PLEKHH2: variants seen among roughly 807,000 people sequenced by gnomAD.
The protein encoded by PLEKHH2 is pleckstrin homology, MyTH4 and FERM domain containing H2.
PLEKHH2 carries 129 observed loss-of-function variants against 187.9 expected under a neutral mutation model. The ratio of observed to expected loss-of-function variants is 0.69; its 90% CI spans 0.59 to 0.79. The LOEUF is 0.79. Among genes scored for constraint, PLEKHH2 ranks in the 30% least tolerant of loss-of-function variants. The pLI is 0.00. For missense variants in PLEKHH2, 2,076 were observed against 1,751.2 expected, an observed-to-expected ratio of 1.19 and a Z score of -3.31; for synonymous variants, 686 against 605.6, an observed-to-expected ratio of 1.13 and a Z score of -1.95.
intron 20 of PLEKHH2, among the ~76,000 whole-genome samples, chr2:43,739,265 A>G (rs952820018): frequency 6.6e-6 from 1 of 152,094 alleles, no homozygotes; most frequent in African/African-American, 2.4e-5. Flanking sequence ...ATCTTCAACA[A>G]CATTCAGTAT....
intron 2 of PLEKHH2, among the ~76,000 whole-genome samples, chr2:43,656,198 C>G (rs1441626348): frequency 6.6e-6 from 1 of 152,186 alleles, no homozygotes; most frequent in East Asian, 1.9e-4. Flanking sequence ...CTCAAGTGAT[C>G]TGCCCGCCTC....
intron 9 of PLEKHH2, 25 bp downstream of exon 9, chr2:43,704,081 C>T (rs548376249): frequency 2.3e-5 from 35 of 1,490,302 alleles, no homozygotes; most frequent in Admixed American, 6.8e-5. Context: ...ATGCTGCCAC[C>T]TGGATGAACC....
intron 1 of PLEKHH2, among the ~76,000 whole-genome samples, chr2:43,639,725 C>T (rs1454446308): frequency 7.1e-6 from 1 of 141,236 alleles, no homozygotes; most frequent in South Asian, 2.2e-4. Flanking sequence ...GGCAGGATCT[C>T]AGCTCACTGC....
At chr2:43,675,816 G>A (rs763588472) in intron 2 of PLEKHH2, 73 of 1,613,824 alleles carry the variant, frequency 4.5e-5, no homozygotes, top group Admixed American at 1.0e-4. Flanking sequence ...ATATAACAGT[G>A]TGGCCCAGAT....
intron 6 of PLEKHH2, among the ~76,000 whole-genome samples, chr2:43,696,515 G>T (rs1422064713): frequency 6.7e-6 from 1 of 150,068 alleles, no homozygotes; most frequent in Non-Finnish European, 1.5e-5. Context: ...TCCAAGAGAT[G>T]AATTAAATTC....
intron 19 of PLEKHH2, among the ~76,000 whole-genome samples, chr2:43,735,196 A>G (rs1017946040): frequency 2.0e-5 from 3 of 152,180 alleles, no homozygotes; most frequent in Non-Finnish European, 4.4e-5. Context: ...TCTCAAAAAA[A>G]AGAAAAAAAT....
chr2:43,710,927 T>A (rs1205406847), intron 14 of PLEKHH2: 1 of 1,026,722 alleles, frequency 9.7e-7, no homozygotes, highest in African/African-American at 1.7e-5. Context: ...TATAATGTAC[T>A]GTGAAATTCA....
chr2:43,690,383 C>T (rs969664537), intron 3 of PLEKHH2, among the ~76,000 whole-genome samples: 4 of 151,910 alleles, frequency 2.6e-5, no homozygotes, highest in Non-Finnish European at 5.9e-5. Context: ...TAGTTTCCAG[C>T]CATGTGGTTG....
At chr2:43,718,376 A>G (rs551299368) in intron 15 of PLEKHH2, among the ~76,000 whole-genome samples, 1 of 152,072 alleles carries the variant, frequency 6.6e-6, no homozygotes, top group African/African-American at 2.4e-5. Context: ...TGTCTCTACT[A>G]AAAATACAAA....
At chr2:43,694,334 C>T (rs764933736) in intron 4 of PLEKHH2, 97 bp from the exon 5 acceptor site, 333 of 1,335,012 alleles carry the variant, frequency 2.5e-4, no homozygotes, top group Non-Finnish European at 3.1e-4. Context: ...AACTTGGAAT[C>T]AAGTTTTAAG....
intron 2 of PLEKHH2, among the ~76,000 whole-genome samples, chr2:43,659,771 C>CA (rs1329145544): frequency 2.6e-5 from 4 of 151,918 alleles, no homozygotes; most frequent in Non-Finnish European, 5.9e-5. Context: ...GTTGGCCAGG[C>CA]TGGTCTCGAA....
At chr2:43,677,814 G>T (rs1243945667) in intron 2 of PLEKHH2, among the ~76,000 whole-genome samples, 1 of 149,558 alleles carries the variant, frequency 6.7e-6, no homozygotes, top group African/African-American at 2.5e-5. Flanking sequence ...CCGGGCAGCT[G>T]GCTGGGCGGG....
intron 22 of PLEKHH2, among the ~76,000 whole-genome samples, chr2:43,743,300 C>T (rs1391742243): frequency 2.0e-5 from 3 of 152,110 alleles, no homozygotes; most frequent in African/African-American, 7.2e-5. Context: ...TCTGGGAAAA[C>T]TTCACTGGGC....
intron 15 of PLEKHH2, 128 bp downstream of exon 15, chr2:43,712,511 GT>G: frequency 8.9e-7 from 1 of 1,122,438 alleles, no homozygotes; most frequent in African/African-American, 1.7e-5. Flanking sequence ...AGGAAAGGGT[GT>G]TTTTAAGTAT....
chr2:43,707,940 G>A (rs1669743577), intron 11 of PLEKHH2, among the ~76,000 whole-genome samples: 1 of 152,158 alleles, frequency 6.6e-6, no homozygotes, highest in African/African-American at 2.4e-5. Context: ...TTAAAGTGGA[G>A]AACAACATTT....
intron 13 of PLEKHH2, 45 bp from the exon 14 acceptor site, chr2:43,710,444 C>T (rs1431486771): frequency 1.3e-6 from 2 of 1,582,932 alleles, no homozygotes; most frequent in African/African-American, 1.4e-5. Flanking sequence ...CTTATTATTA[C>T]TGTTAAAGTT....
At chr2:43,646,347 A>G (rs1232945035) in intron 2 of PLEKHH2, among the ~76,000 whole-genome samples, 5 of 152,166 alleles carry the variant, frequency 3.3e-5, no homozygotes, top group African/African-American at 4.8e-5. Context: ...TGCCCCATAC[A>G]GTGATTTTTG....
rs1460879269 is a variant in PLEKHH2, at chr2:43,694,401, G to T, written c.337-30G>T. The T allele has an allele frequency of 2.6e-6, 4 of 1,534,918 alleles. No homozygotes were observed. In the South Asian group the frequency reaches 3.7e-5, roughly 14 times the overall value. On this transcript the variant is annotated intron_variant, in intron 4 of 29. Transcript: ENST00000282406. ...TTTCCAGACCATTGAGTTTATGTTTGAACTAAACAAATTGCTATTGTTATT... is the reference window on the plus strand; with the variant it reads ...TTTCCAGACCATTGAGTTTATGTTTTAACTAAACAAATTGCTATTGTTATT...
rs189592338 is a variant in PLEKHH2, at chr2:43,767,777, G to A, written c.*2179G>A. ...AGACTTGGCATTTATTTTTGATAGAGCAGAGATAAAATATTTTGATGGAAG... is the reference window on the plus strand; with the variant it reads ...AGACTTGGCATTTATTTTTGATAGAACAGAGATAAAATATTTTGATGGAAG... On this transcript the variant is annotated 3_prime_UTR_variant, in exon 30 of 30. Transcript: ENST00000282406. The A allele has an allele frequency of 2.0e-5, 3 of 152,708 alleles. No individual in the cohort carries two copies. Among genetic ancestry groups the A allele is most frequent in the Admixed American group, 6.5e-5 (1 of 15,284 alleles). The allele number at this position is 152,708 out of a possible 1,614,324, so 9.5% of individuals were successfully genotyped here. A position where few individuals can be genotyped will look rare whatever the true frequency, so the allele number is the denominator to read the frequency against.
Sources: allele counts gnomAD v4.1 joint callset (sites outside exome capture counted in the v4.1 genomes callset), GRCh38; gene constraint gnomAD v4.1.1; transcripts MANE v1.5; gene names NCBI Gene and HGNC (gene_info 2026-07-23, HGNC 2026-07-21).